MYO10: variants seen among roughly 807,000 people sequenced by gnomAD.
The protein encoded by MYO10 is unconventional myosin-X.
MYO10 carries 133 observed loss-of-function variants against 257.3 expected under a neutral mutation model. The ratio of observed to expected loss-of-function variants is 0.52; its 90% CI spans 0.45 to 0.60. MYO10 has a LOEUF of 0.60. Ranked by LOEUF, MYO10 falls within the 20% of genes least tolerant of loss-of-function variation. MYO10 has a pLI of 0.00. For synonymous variants in MYO10, 1,104 were observed against 1,028.6 expected, an observed-to-expected ratio of 1.07 and a Z score of -1.40; for missense variants, 2,399 against 2,635.7, an observed-to-expected ratio of 0.91 and a Z score of 1.97.
chr5:16,763,646 A>G lies in MYO10; in HGVS notation c.1427+9T>C. 6.3e-7 allele frequency: 1 copy of G among 1,595,154 alleles called. No individual in the cohort carries two copies. Among genetic ancestry groups the G allele is most frequent in the Non-Finnish European group, 8.6e-7 (1 of 1,163,748 alleles). On this transcript the variant is annotated intron_variant, in intron 13 of 40. Transcript: ENST00000513610. Reference sequence around the variant, plus strand: ...AAAAAAATTGAAATGGAATTCTATGAGTGCTTACCGGCTATATTCTAGTTG... The same window carrying G: ...AAAAAAATTGAAATGGAATTCTATGGGTGCTTACCGGCTATATTCTAGTTG...
chr5:16,701,266 G>A lies in MYO10; in HGVS notation c.3129C>T (p.Thr1043=). The A allele has an allele frequency of 6.2e-7, 1 of 1,613,696 alleles. No homozygotes were observed. Among genetic ancestry groups the A allele is most frequent in the Non-Finnish European group, 8.5e-7 (1 of 1,179,812 alleles). The change falls in exon 25 of 41, where the codon ACC becomes ACT. Residue 1043 remains threonine, a synonymous_variant. Coordinates refer to ENST00000513610, the MANE Select transcript of MYO10 (RefSeq NM_012334.3). The surrounding 1 kb of genome is among the most constrained non-coding windows in gnomAD (Gnocchi z 8.1). ...GCACCGTGCTGTCCGCACTGGGGCT[G>A]GTGGGCACCACCGTGTCGTTCATGT... ...DPYMNDTVVP[T]SPSADSTVLL... is the part of the protein sequence containing the mutation.
chr5:16,806,389 G>A (rs33398), intron 3 of MYO10, among the ~76,000 whole-genome samples: 60,589 of 151,076 alleles, frequency 0.4, 12,752 homozygotes, highest in Non-Finnish European at 0.46. Flanking sequence ...GCTCACACCT[G>A]TGATCCCAGC....
chr5:16,697,697 CA>C (rs57222789), intron 26 of MYO10, among the ~76,000 whole-genome samples: 60 of 133,620 alleles, frequency 4.5e-4, no homozygotes, highest in Non-Finnish European at 5.1e-4. Flanking sequence ...GATCCTGTCT[CA>C]AAAAAAAAAA....
intron 4 of MYO10, 127 bp downstream of exon 4, chr5:16,794,517 ACT>A (rs1191180429): frequency 2.1e-5 from 18 of 856,578 alleles, no homozygotes; most frequent in East Asian, 9.4e-5. Context: ...AAAACAGAAA[ACT>A]CTGTCGGAGA....
chr5:16,901,135 C>G (rs575120438), intron 1 of MYO10, among the ~76,000 whole-genome samples: 38 of 152,262 alleles, frequency 2.5e-4, no homozygotes, highest in African/African-American at 8.7e-4. Flanking sequence ...CTCAGCCCCC[C>G]TCTCCCGAGA....
intron 1 of MYO10, among the ~76,000 whole-genome samples, chr5:16,929,365 T>C (rs1409216346): frequency 2.0e-5 from 3 of 152,100 alleles, no homozygotes; most frequent in African/African-American, 7.2e-5. Flanking sequence ...CACTTGAAAA[T>C]CATTTAATAA....
At chr5:16,874,631 A>T (rs1421710099) in intron 2 of MYO10, among the ~76,000 whole-genome samples, 1 of 152,080 alleles carries the variant, frequency 6.6e-6, no homozygotes, top group African/African-American at 2.4e-5. Context: ...TCTCCATCTG[A>T]GACTATCTCA....
At chr5:16,718,316 A>AG (rs1425575338) in intron 19 of MYO10, among the ~76,000 whole-genome samples, 46 of 152,190 alleles carry the variant, frequency 3.0e-4, no homozygotes, top group African/African-American at 9.6e-4. Flanking sequence ...CCCATCGACC[A>AG]CCTAAGGGCT....
chr5:16,758,322 T>C (rs1028168701), intron 17 of MYO10, 96 bp from the exon 18 acceptor site: 1 of 868,186 alleles, frequency 1.2e-6, no homozygotes, highest in Non-Finnish European at 1.9e-6. Context: ...CAATGATAAT[T>C]CAAAGTAATA....
At chr5:16,885,135 G>A (rs1744860652) in intron 1 of MYO10, among the ~76,000 whole-genome samples, 1 of 151,594 alleles carries the variant, frequency 6.6e-6, no homozygotes, top group Admixed American at 6.6e-5. Context: ...AGGAGCAGAG[G>A]CCGACAGGTG....
chr5:16,831,641 TG>T (rs1743165844), intron 2 of MYO10, among the ~76,000 whole-genome samples: 1 of 152,182 alleles, frequency 6.6e-6, no homozygotes, highest in African/African-American at 2.4e-5. Flanking sequence ...AAACATCGTA[TG>T]TTCTCATTCA....
At chr5:16,714,821 A>C (rs928390073) in intron 19 of MYO10, among the ~76,000 whole-genome samples, 5 of 152,186 alleles carry the variant, frequency 3.3e-5, no homozygotes, top group African/African-American at 1.2e-4. Flanking sequence ...AGAAAACAAC[A>C]ACAACAACAA....
chr5:16,856,262 G>GA (rs1208959696), intron 2 of MYO10, among the ~76,000 whole-genome samples: 1 of 152,132 alleles, frequency 6.6e-6, no homozygotes, highest in Non-Finnish European at 1.5e-5. Context: ...AAATTCTAAA[G>GA]AAAGACCTGT....
intron 30 of MYO10, among the ~76,000 whole-genome samples, chr5:16,683,157 G>C (rs940703055): frequency 6.6e-6 from 1 of 152,128 alleles, no homozygotes; most frequent in Non-Finnish European, 1.5e-5. Flanking sequence ...TGCCAAGGAG[G>C]CACTATATTT....
intron 30 of MYO10, among the ~76,000 whole-genome samples, chr5:16,682,908 G>T (rs1737072976): frequency 6.6e-6 from 1 of 152,158 alleles, no homozygotes; most frequent in South Asian, 2.1e-4. Context: ...ATCATCACAT[G>T]CCCAGCCTGG....
At chr5:16,920,519 G>T (rs1745952331) in intron 1 of MYO10, among the ~76,000 whole-genome samples, 2 of 152,158 alleles carry the variant, frequency 1.3e-5, no homozygotes, top group Admixed American at 1.3e-4. Context: ...AGGGAGGGAG[G>T]CTGGGGTGCC....
chr5:16,693,096 G>A lies in MYO10; in HGVS notation c.3800+1275C>T, dbSNP rs1737578775. On this transcript the variant is annotated intron_variant, in intron 27 of 40. Coordinates refer to ENST00000513610, the MANE Select transcript of MYO10 (RefSeq NM_012334.3). ...AGCCTGGGCAACATGGCGAAACCCCGTCTCTACCAATAATACAAAAAATTA... is the reference window on the plus strand; with the variant it reads ...AGCCTGGGCAACATGGCGAAACCCCATCTCTACCAATAATACAAAAAATTA... 2.6e-5 allele frequency among the ~76,000 whole-genome samples: 4 copies of A among 152,108 alleles called. No individual in the cohort carries two copies. The South Asian group carries it at 6.2e-4, about 24-fold the overall frequency.
chr5:16,915,466 C>T (rs144849049), intron 1 of MYO10, among the ~76,000 whole-genome samples: 67 of 152,300 alleles, frequency 4.4e-4, no homozygotes, highest in Non-Finnish European at 6.3e-4. Flanking sequence ...GTCAATCAGT[C>T]GTACTTCCTT....
intron 1 of MYO10, among the ~76,000 whole-genome samples, chr5:16,894,663 A>G (rs539618290): frequency 6.6e-6 from 1 of 152,348 alleles, no homozygotes; most frequent in South Asian, 2.1e-4. Flanking sequence ...CGCAAAGATT[A>G]GTAAGGGACA....
Sources: gnomAD v4.1 joint callset for allele counts (sites outside exome capture counted in the v4.1 genomes callset) on GRCh38, gnomAD v4.1.1 for gene constraint, Gnocchi (gnomAD v3.1) non-coding constraint, MANE v1.5 for transcripts, NCBI Gene and HGNC (gene_info 2026-07-23, HGNC 2026-07-21) for gene names.